The following ZBTB10 variants were observed in gnomAD, a reference collection of about 807,000 sequenced individuals.
ZBTB10 encodes zinc finger and BTB domain containing 10.
Under a neutral mutation model 76.4 loss-of-function variants are expected in ZBTB10, and 32 were observed. That is an observed-to-expected ratio of 0.42 (90% CI 0.32 to 0.56). The LOEUF is 0.56. Ranked by LOEUF, ZBTB10 falls within the 20% of genes least tolerant of loss-of-function variation. The pLI is 0.14. For missense variants in ZBTB10, 1,057 were observed against 1,098.5 expected (o/e 0.96, Z 0.53); for synonymous variants, 523 against 432.9 (o/e 1.21, Z -2.58).
At chr8:80,519,015 A>T in intron 5 of ZBTB10, 61 bp downstream of exon 5, 1 of 1,504,568 alleles carries the variant, frequency 6.6e-7, no homozygotes. Flanking sequence ...AGTGAAGTTT[A>T]AAGGGATTTA....
At chr8:80,512,687 G>A (rs1197361328) in intron 2 of ZBTB10, among the ~76,000 whole-genome samples, 1 of 152,154 alleles carries the variant, frequency 6.6e-6, no homozygotes, top group Non-Finnish European at 1.5e-5. Context: ...ACTCCAGCCT[G>A]GGTGACAGAG....
chr8:80,486,668 C>A lies in ZBTB10; in HGVS notation c.-143C>A. The A allele has an allele frequency of 4.0e-6, 4 of 988,612 alleles. No individual in the cohort carries two copies. Among genetic ancestry groups the A allele is most frequent in the Non-Finnish European group, 3.6e-6 (3 of 832,704 alleles). The allele number at this position is 988,612 out of a possible 1,614,324, so 61.2% of individuals were successfully genotyped here. A position where few individuals can be genotyped will look rare whatever the true frequency, so the allele number is the denominator to read the frequency against. Reference sequence around the variant, plus strand: ...AGCGAGCGCGAGCCGGGCTGCCGGGCGAGAGGGCGAGGCCGAGCCCCGCGA... The same window carrying A: ...AGCGAGCGCGAGCCGGGCTGCCGGGAGAGAGGGCGAGGCCGAGCCCCGCGA... On this transcript the variant is annotated 5_prime_UTR_variant, in exon 1 of 6. Coordinates refer to ENST00000455036, the MANE Select transcript of ZBTB10 (RefSeq NM_001105539.3).
At chr8:80,515,495 T>G (rs1418292105) in intron 3 of ZBTB10, among the ~76,000 whole-genome samples, 2 of 152,222 alleles carry the variant, frequency 1.3e-5, no homozygotes, top group Non-Finnish European at 2.9e-5. Context: ...ATTAGCAGTT[T>G]GTACGTCAGA....
At position 80,486,574 on chromosome 8, in the gene ZBTB10, G is replaced by A. The variant is rs909003438; in HGVS notation, c.-237G>A. 58 of 986,604 alleles carry A rather than the reference G, an allele frequency of 5.9e-5. No individual in the cohort carries two copies. The highest frequency in any genetic ancestry group is 6.7e-5 in the Non-Finnish European group (56 of 831,066). 61.1% of individuals were successfully genotyped at this position (986,604 alleles called of 1,614,324 possible). ...GGAGCGCGGCGGGGCGGGGGTGGAG[G>A]ACGAGAGAGCGGTCGGAGGCGTCGG... On this transcript the variant is annotated 5_prime_UTR_variant, in exon 1 of 6. Coordinates refer to ENST00000455036, the MANE Select transcript of ZBTB10 (RefSeq NM_001105539.3).
At chr8:80,509,292 T>C (rs1172803682) in intron 2 of ZBTB10, among the ~76,000 whole-genome samples, 4 of 152,166 alleles carry the variant, frequency 2.6e-5, no homozygotes, top group African/African-American at 9.7e-5. Context: ...TATATGAAAA[T>C]GAAAGTTGAG....
At chr8:80,505,719 A>T (rs1816032048) in intron 2 of ZBTB10, among the ~76,000 whole-genome samples, 1 of 152,012 alleles carries the variant, frequency 6.6e-6, no homozygotes, top group Non-Finnish European at 1.5e-5. Flanking sequence ...AACTAGATAG[A>T]TATAAGAAAT....
chr8:80,487,827 A>AG (rs1815518680), intron 1 of ZBTB10, 45 bp downstream of exon 1: 1 of 1,512,200 alleles, frequency 6.6e-7, no homozygotes, highest in African/African-American at 1.4e-5. Flanking sequence ...TTTTAGGGAA[A>AG]GGTTTATCAG....
intron 2 of ZBTB10, among the ~76,000 whole-genome samples, chr8:80,504,919 G>C (rs1024181258): frequency 3.3e-5 from 5 of 152,094 alleles, no homozygotes; most frequent in African/African-American, 4.8e-5. Flanking sequence ...GTTGTGTCCC[G>C]TTTAACTAGA....
Position 80,518,843 on chromosome 8 carries a change from C to T in ZBTB10, c.2199C>T (p.Tyr733=). 6.2e-7 allele frequency: 1 copy of T among 1,612,626 alleles called. No homozygotes were observed. The highest frequency in any genetic ancestry group is 8.5e-7 in the Non-Finnish European group (1 of 1,179,328). ...CTCATTGTAGCTATGTAGCCAAATACAGACGAACACTAAAAAGGCACTTGC... is the reference window on the plus strand; with the variant it reads ...CTCATTGTAGCTATGTAGCCAAATATAGACGAACACTAAAAAGGCACTTGC... ...KCPHCSYVAK[Y]RRTLKRHLLI... The change falls in exon 5 of 6, where the codon TAC becomes TAT. Residue 733 remains tyrosine (Y), a synonymous_variant. Transcript: ENST00000455036.
In ZBTB10 at chr8:80,521,512, C is replaced by G. The variant is rs1462591772; in HGVS notation, c.*1984C>G. 1 of 151,498 alleles carries G rather than the reference C, an allele frequency of 6.6e-6. No individual in the cohort carries two copies. The highest frequency in any genetic ancestry group is 1.5e-5 in the Non-Finnish European group (1 of 67,702). 9.4% of individuals were successfully genotyped at this position (151,498 alleles called of 1,614,324 possible). A position where few individuals can be genotyped will look rare whatever the true frequency, so the allele number is the denominator to read the frequency against. On this transcript the variant is annotated 3_prime_UTR_variant, in exon 6 of 6. Coordinates refer to ENST00000455036, the MANE Select transcript of ZBTB10 (RefSeq NM_001105539.3). ...ACTAGTTTACAATTGGTAGATCTGT[C>G]TATATATAAATATATATTAAAGAAC... is the stretch of plus-strand genomic sequence containing the variant.
intron 1 of ZBTB10, among the ~76,000 whole-genome samples, chr8:80,497,847 G>A (rs550084230): frequency 1.3e-5 from 2 of 152,064 alleles, no homozygotes; most frequent in African/African-American, 4.8e-5. Context: ...ATTTTTAGTA[G>A]AGACGGGGTT....
chr8:80,506,003 G>C (rs1163480443), intron 2 of ZBTB10, among the ~76,000 whole-genome samples: 1 of 148,526 alleles, frequency 6.7e-6, no homozygotes, highest in Non-Finnish European at 1.5e-5. Flanking sequence ...GGATCCTCCA[G>C]CCTCACTTCC....
intron 3 of ZBTB10, among the ~76,000 whole-genome samples, chr8:80,515,556 G>A (rs776250331): frequency 2.0e-5 from 3 of 152,124 alleles, no homozygotes; most frequent in African/African-American, 4.8e-5. Flanking sequence ...TGCTAACCGC[G>A]CAAGAAGATG....
chr8:80,486,057 GC>G (rs1288725438), upstream of ZBTB10: 2 of 650,528 alleles, frequency 3.1e-6, no homozygotes, highest in African/African-American at 5.2e-5. Context: ...CCGCACCCCC[GC>G]CCCCAGGCCG....
rs367678029 is a variant in ZBTB10 at position 80,489,637 on chromosome 8, TCTC to T, written c.972+1859_972+1861del. Reference sequence around the variant, plus strand: ...GGTAGCCTCAGCTTGAGTGTATTCTTCTCCTCTGGGTATGTATCTGCGTCTTGG... The same window carrying T: ...GGTAGCCTCAGCTTGAGTGTATTCTTCTCTGGGTATGTATCTGCGTCTTGG... On this transcript the variant is annotated intron_variant, in intron 1 of 5. Coordinates refer to ENST00000455036, the MANE Select transcript of ZBTB10 (RefSeq NM_001105539.3). Among the ~76,000 whole-genome samples the T allele has an allele frequency of 1.9e-3, 293 of 152,286 alleles. 1 individual carries two copies. Among genetic ancestry groups the T allele is most frequent in the African/African-American group, 6.7e-3 (280 of 41,560 alleles).
chr8:80,509,187 A>T (rs1180588819), intron 2 of ZBTB10, among the ~76,000 whole-genome samples: 1 of 152,166 alleles, frequency 6.6e-6, no homozygotes, highest in Non-Finnish European at 1.5e-5. Flanking sequence ...GAAGAGAAAA[A>T]ATCTATACCT....
rs2131524334 is a variant in ZBTB10, at chr8:80,521,836, TTGTTAC to T, written c.*2314_*2319del. 6.6e-6 allele frequency: 1 copy of T among 152,018 alleles called. No individual in the cohort carries two copies. Among genetic ancestry groups the T allele is most frequent in the South Asian group, 2.1e-4 (1 of 4,834 alleles). 9.4% of individuals were successfully genotyped at this position (152,018 alleles called of 1,614,324 possible). ...GGAAATAAGGTTTGATGTAGATGGC[TTGTTAC>T]TGTTAATTTAAAATATTCTATAATT... is the stretch of plus-strand genomic sequence containing the variant. On this transcript the variant is annotated 3_prime_UTR_variant, in exon 6 of 6. Coordinates refer to ENST00000455036, the MANE Select transcript of ZBTB10 (RefSeq NM_001105539.3).
chr8:80,486,004 G>C (rs1196649148), upstream of ZBTB10: 2 of 900,876 alleles, frequency 2.2e-6, no homozygotes, highest in Non-Finnish European at 1.5e-6. Context: ...CCCGCCGCCC[G>C]GCCTTTTGTC....
intron 1 of ZBTB10, among the ~76,000 whole-genome samples, chr8:80,492,418 GAC>G (rs1370224076): frequency 6.6e-6 from 1 of 152,130 alleles, no homozygotes; most frequent in Non-Finnish European, 1.5e-5. Context: ...AGTAAGGAGA[GAC>G]AGACATGACC....
Sources: gnomAD v4.1 joint callset for allele counts (sites outside exome capture counted in the v4.1 genomes callset) on GRCh38, gnomAD v4.1.1 for gene constraint, MANE v1.5 for transcripts, NCBI Gene and HGNC (gene_info 2026-07-23, HGNC 2026-07-21) for gene names.